The following COL6A5 variants were observed in gnomAD, a reference collection of about 807,000 sequenced individuals.
COL6A5 encodes the protein collagen alpha-5(VI) chain.
COL6A5 carries 48 observed loss-of-function variants against 65.6 expected under a neutral mutation model. That is an observed-to-expected ratio of 0.73 (90% CI 0.58 to 0.93). COL6A5 has a LOEUF of 0.93. COL6A5 is among the 40% of genes least tolerant of loss of function. The pLI, the probability that COL6A5 is intolerant of heterozygous loss-of-function variation, is 0.00. For synonymous variants in COL6A5, 291 were observed against 322.8 expected (o/e 0.90, Z 1.05); for missense variants, 914 against 928.3 (o/e 0.98, Z 0.20).
At chr3:130,429,595 T>C (rs1442783665), upstream of COL6A5, 1 of 1,546,816 alleles carries the variant, frequency 6.5e-7, no homozygotes, top group African/African-American at 1.4e-5. Context: ...GTGAGTATTC[T>C]TACCATGCTG....
chr3:130,446,521 CAGG>C (rs1463997269), intron 4 of COL6A5, among the ~76,000 whole-genome samples: 5 of 152,084 alleles, frequency 3.3e-5, no homozygotes, highest in Non-Finnish European at 7.4e-5. Flanking sequence ...GAAAGGTAAT[CAGG>C]AGAAGTGGGA....
chr3:130,347,135 T>TAAATCC (rs765062840), intron 1 of COL6A5, among the ~76,000 whole-genome samples: 2 of 152,180 alleles, frequency 1.3e-5, no homozygotes, highest in Non-Finnish European at 2.9e-5. Flanking sequence ...ATATGAAATC[T>TAAATCC]AAATCCACTG....
intron 1 of COL6A5, among the ~76,000 whole-genome samples, chr3:130,364,441 T>A (rs11922341): frequency 0.054 from 8,288 of 152,236 alleles, 339 homozygotes; most frequent in East Asian, 0.18. Context: ...TCAGTGGAGA[T>A]AGCACTACCA....
At chr3:130,422,674 A>G (rs960046058) in intron 27 of COL6A5, 46 bp from the exon 28 acceptor site, 2 of 1,239,150 alleles carry the variant, frequency 1.6e-6, no homozygotes, top group African/African-American at 1.5e-5. Context: ...TAATTCTTTC[A>G]TAGCAAATAC....
chr3:130,362,652 T>C (rs1935185578), intron 1 of COL6A5, among the ~76,000 whole-genome samples: 1 of 152,158 alleles, frequency 6.6e-6, no homozygotes, highest in African/African-American at 2.4e-5. Flanking sequence ...AGAATCAGTT[T>C]GTCAATATCA....
intron 5 of COL6A5, among the ~76,000 whole-genome samples, chr3:130,460,734 A>G (rs1011192635): frequency 6.6e-6 from 1 of 151,644 alleles, no homozygotes; most frequent in Non-Finnish European, 1.5e-5. Context: ...GGTGGGTGGT[A>G]GGGATGGTGG....
chr3:130,354,747 G>A (rs578028288), intron 1 of COL6A5, among the ~76,000 whole-genome samples: 1 of 152,234 alleles, frequency 6.6e-6, no homozygotes, highest in African/African-American at 2.4e-5. Flanking sequence ...CTTTAGCCTG[G>A]GACTCTGGGA....
chr3:130,435,314 C>A (rs1035393603), intron 1 of COL6A5, among the ~76,000 whole-genome samples: 1 of 152,116 alleles, frequency 6.6e-6, no homozygotes, highest in Non-Finnish European at 1.5e-5. Flanking sequence ...TGTTTTGGTA[C>A]CAGTACCAAG....
intron 2 of COL6A5, among the ~76,000 whole-genome samples, chr3:130,374,926 C>G (rs1455584121): frequency 1.2e-4 from 18 of 152,168 alleles, no homozygotes; most frequent in Admixed American, 9.2e-4. Flanking sequence ...TTTTTATACT[C>G]TCTTGTAATT....
chr3:130,472,858 T>TACAC (rs1553760945), intron 7 of COL6A5, among the ~76,000 whole-genome samples: 4 of 141,868 alleles, frequency 2.8e-5, no homozygotes, highest in African/African-American at 1.0e-4. Flanking sequence ...TATATATATA[T>TACAC]ACACATTTAT....
chr3:130,382,569 G>T (rs528866255), intron 4 of COL6A5, among the ~76,000 whole-genome samples: 2 of 152,234 alleles, frequency 1.3e-5, no homozygotes, highest in East Asian at 1.9e-4. Context: ...TAGGGCCTGG[G>T]CCCATGCATT....
intron 13 of COL6A5, among the ~76,000 whole-genome samples, chr3:130,404,240 A>C (rs1936912863): frequency 6.6e-6 from 1 of 152,184 alleles, no homozygotes; most frequent in African/African-American, 2.4e-5. Context: ...TTTCTCATCA[A>C]TCAAATTGTG....
intron 7 of COL6A5, chr3:130,476,865 T>C: frequency 1.5e-6 from 1 of 682,430 alleles, no homozygotes; most frequent in Non-Finnish European, 2.7e-6. Flanking sequence ...ATGATGTCTT[T>C]AATTCTTTTT....
intron 5 of COL6A5, among the ~76,000 whole-genome samples, chr3:130,460,403 G>T (rs116621887): frequency 6.6e-6 from 1 of 152,014 alleles, no homozygotes; most frequent in Non-Finnish European, 1.5e-5. Flanking sequence ...CTTCTGTGAA[G>T]GTTTCACATG....
intron 1 of COL6A5, among the ~76,000 whole-genome samples, chr3:130,367,193 C>T (rs574703964): frequency 1.3e-5 from 2 of 152,200 alleles, no homozygotes; most frequent in Non-Finnish European, 2.9e-5. Flanking sequence ...TTCCTGCCTT[C>T]TGTCCTAATC....
chr3:130,356,344 A>G (rs925405439), intron 1 of COL6A5, among the ~76,000 whole-genome samples: 5 of 152,174 alleles, frequency 3.3e-5, no homozygotes, highest in Non-Finnish European at 2.9e-5. Context: ...AGACACTCAT[A>G]TTAGTCCTTG....
chr3:130,439,621 A>T lies in COL6A5; in HGVS notation c.581+6A>T, dbSNP rs78923843. The T allele has an allele frequency of 6.5e-5, 101 of 1,545,308 alleles. 2 individuals carry two copies. In the Admixed American group the frequency reaches 1.9e-3, roughly 30 times the overall value. ...GCGCTGTGCACTTTGCTATGGTAAG[A>T]CCAATGAAGAGAATTGACTGTGCTG... is the stretch of plus-strand genomic sequence containing the variant. On this transcript the variant is annotated splice_donor_region_variant and intron_variant, in intron 2 of 7. Transcript: ENST00000512836.
chr3:130,451,978 G>A (rs899806128), intron 4 of COL6A5, among the ~76,000 whole-genome samples: 2 of 152,108 alleles, frequency 1.3e-5, no homozygotes, highest in Non-Finnish European at 2.9e-5. Context: ...GCACCAACAC[G>A]ATCCCATAGT....
At chr3:130,380,343 A>G (rs1423034350) in intron 4 of COL6A5, among the ~76,000 whole-genome samples, 1 of 152,122 alleles carries the variant, frequency 6.6e-6, no homozygotes, top group Admixed American at 6.6e-5. Flanking sequence ...TACAGAAGAA[A>G]ATAGAATCAC....
Sources: allele counts gnomAD v4.1 joint callset (sites outside exome capture counted in the v4.1 genomes callset), GRCh38; gene constraint gnomAD v4.1.1; transcripts MANE v1.5; gene names NCBI Gene and HGNC (gene_info 2026-07-23, HGNC 2026-07-21).